The following EXT1 variants were observed in gnomAD, a reference collection of about 807,000 sequenced individuals.
EXT1 encodes exostosin glycosyltransferase 1.
EXT1 carries 20 observed loss-of-function variants against 82.5 expected under a neutral mutation model. The observed-to-expected ratio is 0.24, with a 90% confidence interval of 0.17 to 0.35. The LOEUF (loss-of-function observed/expected upper bound fraction) is 0.35. Ranked by LOEUF, EXT1 falls within the 10% of genes least tolerant of loss-of-function variation. The pLI is 1.00. For missense variants in EXT1, 757 were observed against 936.5 expected, an observed-to-expected ratio of 0.81 and a Z score of 2.50; for synonymous variants, 348 against 350.8, an observed-to-expected ratio of 0.99 and a Z score of 0.09.
At chr8:117,843,393 A>G (rs1430543296) in intron 1 of EXT1, among the ~76,000 whole-genome samples, 1 of 152,204 alleles carries the variant, frequency 6.6e-6, no homozygotes, top group African/African-American at 2.4e-5. Flanking sequence ...CAATGGCCAC[A>G]TGTAGGCAGG....
chr8:117,938,948 T>TC (rs1343570432), intron 1 of EXT1, among the ~76,000 whole-genome samples: 1 of 152,210 alleles, frequency 6.6e-6, no homozygotes, highest in Non-Finnish European at 1.5e-5. Context: ...CGGAAACCCT[T>TC]CGAGCATCCA....
intron 1 of EXT1, among the ~76,000 whole-genome samples, chr8:117,947,536 A>G (rs748066336): frequency 4.6e-5 from 7 of 152,222 alleles, no homozygotes; most frequent in Non-Finnish European, 8.8e-5. Context: ...CTTTCACCAC[A>G]ATCTCCTGAG....
intron 1 of EXT1, among the ~76,000 whole-genome samples, chr8:117,859,651 T>C (rs1299691478): frequency 6.6e-6 from 1 of 152,256 alleles, no homozygotes; most frequent in Non-Finnish European, 1.5e-5. Flanking sequence ...CCAGTAACCT[T>C]ATTCTTCTGA....
intron 1 of EXT1, among the ~76,000 whole-genome samples, chr8:118,080,756 A>AT (rs1292052530): frequency 6.6e-6 from 1 of 152,212 alleles, no homozygotes; most frequent in African/African-American, 2.4e-5. Flanking sequence ...TACCTCATCT[A>AT]TTATAATAGG....
chr8:118,007,063 C>A (rs1034759553), intron 1 of EXT1, among the ~76,000 whole-genome samples: 1 of 152,074 alleles, frequency 6.6e-6, no homozygotes, highest in Non-Finnish European at 1.5e-5. Context: ...TTTGGGAGGC[C>A]GAGACAGGCG....
intron 1 of EXT1, among the ~76,000 whole-genome samples, chr8:117,868,705 C>T (rs990890322): frequency 6.6e-6 from 1 of 152,150 alleles, no homozygotes; most frequent in African/African-American, 2.4e-5. Context: ...TCACCTCGGC[C>T]TCCCAAAGTG....
intron 1 of EXT1, among the ~76,000 whole-genome samples, chr8:117,867,260 G>GAAAA (rs372575361): frequency 2.0e-5 from 2 of 98,914 alleles, no homozygotes; most frequent in African/African-American, 4.0e-5. Flanking sequence ...CTCCACCTCA[G>GAAAA]AAAAAAAAAA....
chr8:117,945,680 T>C (rs1175195747), intron 1 of EXT1, among the ~76,000 whole-genome samples: 1 of 151,978 alleles, frequency 6.6e-6, no homozygotes, highest in Non-Finnish European at 1.5e-5. Context: ...TTTTGTATTT[T>C]TTAGTAGAGA....
intron 1 of EXT1, among the ~76,000 whole-genome samples, chr8:117,895,466 C>G (rs1204050122): frequency 6.6e-6 from 1 of 152,100 alleles, no homozygotes; most frequent in Non-Finnish European, 1.5e-5. Flanking sequence ...CAGCAGAGTC[C>G]ACTCACAGCC....
At chr8:117,968,648 C>A (rs1346655266) in intron 1 of EXT1, among the ~76,000 whole-genome samples, 1 of 88,204 alleles carries the variant, frequency 1.1e-5, no homozygotes, top group Non-Finnish European at 1.9e-5. Flanking sequence ...CGGCTCACTG[C>A]AAGCTCCACC....
chr8:117,798,876 C>G lies in EXT1; in HGVS notation c.*836G>C, dbSNP rs1023505700. The G allele has an allele frequency of 1.3e-5, 2 of 152,214 alleles. No individual in the cohort carries two copies. Among genetic ancestry groups the G allele is most frequent in the African/African-American group, 4.8e-5 (2 of 41,444 alleles). 9.4% of individuals were successfully genotyped at this position (152,214 alleles called of 1,614,324 possible). On this transcript the variant is annotated 3_prime_UTR_variant, in exon 11 of 11. Coordinates refer to ENST00000378204, the MANE Select transcript of EXT1 (RefSeq NM_000127.3). Reference sequence around the variant, plus strand: ...CAATGGTTGAATCTATAACCGTGCCCCCAACCCCTGCAAGTATTGGGTTAC... The same window carrying G: ...CAATGGTTGAATCTATAACCGTGCCGCCAACCCCTGCAAGTATTGGGTTAC...
At chr8:118,010,934 G>A (rs540867979) in intron 1 of EXT1, among the ~76,000 whole-genome samples, 30 of 152,272 alleles carry the variant, frequency 2.0e-4, no homozygotes, top group African/African-American at 6.5e-4. Flanking sequence ...GCTTTCTGTG[G>A]GTAATTCAAC....
intron 1 of EXT1, among the ~76,000 whole-genome samples, chr8:117,904,423 T>C (rs1813505199): frequency 6.6e-6 from 1 of 152,210 alleles, no homozygotes; most frequent in East Asian, 1.9e-4. Flanking sequence ...ATTTACTAGA[T>C]TGTATATTAC....
intron 1 of EXT1, among the ~76,000 whole-genome samples, chr8:118,022,480 G>A (rs1816125208): frequency 1.3e-5 from 2 of 150,430 alleles, no homozygotes; most frequent in African/African-American, 2.5e-5. Context: ...TGGGATTATA[G>A]GCGCATGCCA....
At chr8:118,050,382 T>C (rs973153752) in intron 1 of EXT1, among the ~76,000 whole-genome samples, 3 of 152,246 alleles carry the variant, frequency 2.0e-5, no homozygotes, top group African/African-American at 7.2e-5. Context: ...AATAATAATG[T>C]GTAATAGTTG....
chr8:117,992,876 A>G (rs537840054), intron 1 of EXT1, among the ~76,000 whole-genome samples: 150 of 152,368 alleles, frequency 9.8e-4, no homozygotes, highest in African/African-American at 3.4e-3. Context: ...CAGTGGTGAC[A>G]GTGTCAAGCA....
chr8:117,966,681 A>C (rs1181199969), intron 1 of EXT1, among the ~76,000 whole-genome samples: 1 of 152,216 alleles, frequency 6.6e-6, no homozygotes, highest in African/African-American at 2.4e-5. Context: ...ACTCTACCAC[A>C]ATCTACATGC....
At chr8:118,044,697 G>A (rs183347003) in intron 1 of EXT1, among the ~76,000 whole-genome samples, 278 of 152,172 alleles carry the variant, frequency 1.8e-3, no homozygotes, top group Non-Finnish European at 2.9e-3. Flanking sequence ...GTGAGCCACC[G>A]TGCGCGGCTG....
At chr8:117,800,161 T>A (rs373222917) in intron 10 of EXT1, among the ~76,000 whole-genome samples, 3 of 152,346 alleles carry the variant, frequency 2.0e-5, no homozygotes, top group East Asian at 3.9e-4. Flanking sequence ...TGACTAATTC[T>A]CTGGTCAGTC....
Sources: allele counts gnomAD v4.1 joint callset (sites outside exome capture counted in the v4.1 genomes callset), GRCh38; gene constraint gnomAD v4.1.1; transcripts MANE v1.5; gene names NCBI Gene and HGNC (gene_info 2026-07-23, HGNC 2026-07-21).